Variants in SCN9A observed in about 807,000 individuals in gnomAD.
SCN9A encodes the protein sodium channel protein type 9 subunit alpha.
Under a neutral mutation model 187.0 loss-of-function variants are expected in SCN9A, and 131 were observed. That is an observed-to-expected ratio of 0.70 (90% CI 0.61 to 0.81). The LOEUF (loss-of-function observed/expected upper bound fraction) is 0.81. Ranked by LOEUF, SCN9A falls within the 30% of genes least tolerant of loss-of-function variation. The pLI, the probability that SCN9A is intolerant of heterozygous loss-of-function variation, is 0.00. For missense variants in SCN9A, 2,252 were observed against 2,396.6 expected (o/e 0.94, Z 1.26); for synonymous variants, 809 against 808.6 (o/e 1.00, Z -0.01).
chr2:166,210,519 C>CAA (rs34448541), intron 24 of SCN9A, among the ~76,000 whole-genome samples: 4,426 of 96,228 alleles, frequency 0.046, 293 homozygotes, highest in African/African-American at 0.15. Context: ...AGATGGACAC[C>CAA]AAAAAAAAAA....
intron 24 of SCN9A, among the ~76,000 whole-genome samples, chr2:166,222,151 G>A (rs1481113958): frequency 6.6e-6 from 1 of 152,080 alleles, no homozygotes; most frequent in African/African-American, 2.4e-5. Context: ...GGAAAAAAAG[G>A]AAGCATTCAA....
At chr2:166,360,227 A>T (rs1431178465) in intron 1 of SCN9A, among the ~76,000 whole-genome samples, 1 of 144,742 alleles carries the variant, frequency 6.9e-6, no homozygotes, top group African/African-American at 2.6e-5. Context: ...CTCAAAAAAA[A>T]AAAAAAAAGA....
chr2:166,339,198 C>T (rs1410525592), intron 1 of SCN9A, among the ~76,000 whole-genome samples: 1 of 152,050 alleles, frequency 6.6e-6, no homozygotes, highest in Non-Finnish European at 1.5e-5. Context: ...ACCTAGAAGC[C>T]ACGCTTTGTT....
At chr2:166,218,477 G>T (rs1694437820) in intron 24 of SCN9A, among the ~76,000 whole-genome samples, 2 of 152,078 alleles carry the variant, frequency 1.3e-5, no homozygotes, top group African/African-American at 2.4e-5. Context: ...TATAAAGGTG[G>T]TTGCCATAGG....
intron 1 of SCN9A, among the ~76,000 whole-genome samples, chr2:166,320,544 T>C (rs1699212215): frequency 6.6e-6 from 1 of 152,162 alleles, no homozygotes; most frequent in African/African-American, 2.4e-5. Flanking sequence ...AAAGATTGTG[T>C]CTTCTACTTT....
intron 1 of SCN9A, among the ~76,000 whole-genome samples, chr2:166,368,406 G>A (rs970973327): frequency 1.3e-5 from 2 of 152,156 alleles, no homozygotes; most frequent in Non-Finnish European, 2.9e-5. Context: ...GGCCGAGGTG[G>A]GCAGATCACC....
rs190442246 is a variant in SCN9A at position 166,197,065 on chromosome 2, T to A, written c.*1607A>T. 6.6e-6 allele frequency: 1 copy of A among 150,898 alleles called. No homozygotes were observed. The highest frequency in any genetic ancestry group is 2.4e-5 in the African/African-American group (1 of 41,380). The allele number at this position is 150,898 out of a possible 1,614,324, so 9.3% of individuals were successfully genotyped here. The stretch of plus-strand genomic sequence containing the variant: ...ACATTTATTATATAAATGTAATTTA[T>A]TATTTTTTAAATATGGAAAGCAAAT... On this transcript the variant is annotated 3_prime_UTR_variant, in exon 27 of 27. Transcript: ENST00000642356.
chr2:166,222,295 A>G (rs1021133039), intron 24 of SCN9A, among the ~76,000 whole-genome samples: 1 of 152,226 alleles, frequency 6.6e-6, no homozygotes, highest in East Asian at 1.9e-4. Flanking sequence ...TGTATATTAA[A>G]AGATGCTCAG....
In SCN9A at chr2:166,272,581, C is replaced by T. The variant is rs370892430; in HGVS notation, c.3169G>A (p.Asp1057Asn). The T allele has an allele frequency of 3.7e-6, 6 of 1,613,462 alleles. No homozygotes were observed. The highest frequency in any genetic ancestry group is 5.1e-6 in the Non-Finnish European group (6 of 1,179,720). Reference protein sequence around the residue: ...SKGHNFLKEKDKISGFGSSVD... With the variant: ...SKGHNFLKEKNKISGFGSSVD... ...CTGCTTCCAAAACCACTGATTTTATCTTTTTCCTTGAGGAAATTGTGACCT... is the reference window on the plus strand; with the variant it reads ...CTGCTTCCAAAACCACTGATTTTATTTTTTTCCTTGAGGAAATTGTGACCT... The change falls in exon 17 of 27, where the codon GAT (aspartate) becomes AAT (asparagine). Residue 1057 changes from aspartate to asparagine, a missense_variant. Transcript: ENST00000642356.
chr2:166,215,318 T>C (rs1694284347), intron 24 of SCN9A, among the ~76,000 whole-genome samples: 2 of 152,056 alleles, frequency 1.3e-5, no homozygotes, highest in Admixed American at 1.3e-4. Context: ...GAAAAATTTA[T>C]AGTAATAAAT....
intron 16 of SCN9A, among the ~76,000 whole-genome samples, chr2:166,275,870 G>A (rs1026949315): frequency 6.6e-6 from 1 of 152,170 alleles, no homozygotes; most frequent in African/African-American, 2.4e-5. Context: ...CTGGATGAAT[G>A]TAAGTTTCTG....
chr2:166,274,190 C>T (rs1697126684), intron 16 of SCN9A, among the ~76,000 whole-genome samples: 1 of 152,118 alleles, frequency 6.6e-6, no homozygotes, highest in Admixed American at 6.6e-5. Context: ...GTTCTCACTT[C>T]GTTGAGAACA....
chr2:166,270,283 G>A (rs1056878271), intron 17 of SCN9A, among the ~76,000 whole-genome samples: 2 of 151,828 alleles, frequency 1.3e-5, no homozygotes, highest in Non-Finnish European at 2.9e-5. Flanking sequence ...CATTGTGTCA[G>A]TGATTTACTT....
intron 20 of SCN9A, among the ~76,000 whole-genome samples, chr2:166,235,216 T>G (rs1371415409): frequency 6.6e-6 from 1 of 152,162 alleles, no homozygotes; most frequent in Non-Finnish European, 1.5e-5. Context: ...AAAATACTAA[T>G]AGGTCTGTTC....
At chr2:166,297,714 T>C (rs1171607848) in intron 7 of SCN9A, among the ~76,000 whole-genome samples, 1 of 151,838 alleles carries the variant, frequency 6.6e-6, no homozygotes, top group South Asian at 2.1e-4. Flanking sequence ...ACTCTGAGTA[T>C]AGTTTAAAAA....
chr2:166,369,499 G>T (rs1403682113), intron 1 of SCN9A, among the ~76,000 whole-genome samples: 1 of 152,156 alleles, frequency 6.6e-6, no homozygotes. Flanking sequence ...GTTGATCCCT[G>T]AGTAGGCCAC....
rs151241025 is a variant in SCN9A, at chr2:166,242,623, T to G, written c.3506A>C (p.Asn1169Thr). ...GATTTTTCCTTTCCCTGACTCTATG[T>G]TAACTTGGCAGCATGAGAACCTCCA... is the stretch of plus-strand genomic sequence containing the variant. ...CVWRFSCCQV[N>T]IESGKGKIWW... The change falls in exon 19 of 27, where the codon AAC (asparagine) becomes ACC (threonine). Residue 1169 changes from asparagine to threonine, a missense_variant. Around this residue, in one of 7 missense-constraint regions of SCN9A, gnomAD observed 313 missense variants for 295.3 expected, o/e 1.06. Coordinates refer to ENST00000642356, the MANE Select transcript of SCN9A (RefSeq NM_001365536.1). 571 of 1,552,992 alleles carry G rather than the reference T, an allele frequency of 3.7e-4. 3 individuals carry two copies. In the African/African-American group the frequency reaches 6.9e-3, roughly 19 times the overall value.
intron 1 of SCN9A, among the ~76,000 whole-genome samples, chr2:166,344,996 T>C (rs1245506655): frequency 6.6e-6 from 1 of 152,120 alleles, no homozygotes; most frequent in African/African-American, 2.4e-5. Context: ...TCAGACCTCA[T>C]GAAAGAAATA....
chr2:166,315,468 G>A (rs917593786), intron 1 of SCN9A, among the ~76,000 whole-genome samples: 1 of 152,154 alleles, frequency 6.6e-6, no homozygotes, highest in Non-Finnish European at 1.5e-5. Context: ...GTCAATGCTA[G>A]TGGTACCATG....
Sources: allele counts gnomAD v4.1 joint callset (sites outside exome capture counted in the v4.1 genomes callset), GRCh38; gene constraint gnomAD v4.1.1; regional missense constraint gnomAD v4.1.1; transcripts MANE v1.5; gene names NCBI Gene and HGNC (gene_info 2026-07-23, HGNC 2026-07-21).